Variants in PRUNE2 observed in about 807,000 individuals in gnomAD.
PRUNE2 encodes prune homolog 2 with BCH domain.
PRUNE2 carries 164 observed loss-of-function variants against 252.0 expected under a neutral mutation model. That is an observed-to-expected ratio of 0.65 (90% CI 0.57 to 0.74). The LOEUF (loss-of-function observed/expected upper bound fraction) is 0.74. PRUNE2 is among the 30% of genes least tolerant of loss of function. The pLI is 0.00. For synonymous variants in PRUNE2, 1,292 were observed against 1,350.2 expected (o/e 0.96, Z 0.94); for missense variants, 3,495 against 3,711.0 (o/e 0.94, Z 1.51).
chr9:76,721,231 G>A (rs2047622133), intron 6 of PRUNE2, among the ~76,000 whole-genome samples: 1 of 152,114 alleles, frequency 6.6e-6, no homozygotes. Context: ...AGCTTTTAAA[G>A]CATTAAAAAA....
intron 9 of PRUNE2, among the ~76,000 whole-genome samples, chr9:76,656,872 C>G (rs922357872): frequency 1.3e-5 from 2 of 152,146 alleles, no homozygotes; most frequent in Non-Finnish European, 2.9e-5. Flanking sequence ...CCTGTGTGTT[C>G]TCTAAAACTA....
chr9:76,827,459 A>C (rs1396952588), intron 4 of PRUNE2, among the ~76,000 whole-genome samples: 1 of 152,050 alleles, frequency 6.6e-6, no homozygotes, highest in Non-Finnish European at 1.5e-5. Flanking sequence ...ACGTACTCTT[A>C]CTCTTCCCTG....
intron 12 of PRUNE2, among the ~76,000 whole-genome samples, chr9:76,643,984 G>A (rs1018139886): frequency 3.3e-5 from 5 of 152,118 alleles, no homozygotes; most frequent in African/African-American, 9.7e-5. Flanking sequence ...GGCACCTCAG[G>A]CTCGGGAAAG....
chr9:76,663,964 G>C (rs1396704016), intron 9 of PRUNE2, among the ~76,000 whole-genome samples: 1 of 152,148 alleles, frequency 6.6e-6, no homozygotes. Context: ...ATCTCAAACT[G>C]AACATGTTCA....
rs573850903 is a variant in PRUNE2 at position 76,866,786 on chromosome 9, G to C, written c.37-12578C>G. 2.0e-5 allele frequency among the ~76,000 whole-genome samples: 3 copies of C among 152,170 alleles called. No homozygotes were observed. The East Asian group carries it at 5.8e-4, about 29-fold the overall frequency. ...GGGAAAGAAAAGAGAGCGAGAGAAAGAGCGAGAGAGAATGGAAGGAAGAGG... is the reference window on the plus strand; with the variant it reads ...GGGAAAGAAAAGAGAGCGAGAGAAACAGCGAGAGAGAATGGAAGGAAGAGG... On this transcript the variant is annotated intron_variant, in intron 1 of 18. Transcript: ENST00000376718.
chr9:76,833,890 T>TG (rs1444134005), intron 4 of PRUNE2, among the ~76,000 whole-genome samples: 1 of 150,614 alleles, frequency 6.6e-6, no homozygotes, highest in African/African-American at 2.4e-5. Flanking sequence ...TTTTTTGTTT[T>TG]TTTTTTTTTA....
At chr9:76,804,960 G>A (rs935469172) in intron 6 of PRUNE2, among the ~76,000 whole-genome samples, 10 of 152,094 alleles carry the variant, frequency 6.6e-5, no homozygotes, top group Non-Finnish European at 1.5e-4. Context: ...AGTGGCTCAC[G>A]CCTGTAATTC....
intron 12 of PRUNE2, chr9:76,642,001 T>TAAAAAAAAAAAAAAAGAAAAAAAAAAAAA: frequency 9.9e-7 from 1 of 1,010,460 alleles, no homozygotes; most frequent in South Asian, 1.7e-5. Context: ...ATAAGAGAAG[T>TAAAAAAAAAAAAAAAGAAAAAAAAAAAAA]AAAAAAAAAA....
chr9:76,649,946 T>TG (rs1564457472), intron 11 of PRUNE2, among the ~76,000 whole-genome samples: 1 of 136,936 alleles, frequency 7.3e-6, no homozygotes, highest in African/African-American at 3.2e-5. Flanking sequence ...TACTTTTTTT[T>TG]TTTTAGAGTC....
intron 3 of PRUNE2, 114 bp from the exon 4 acceptor site, chr9:76,846,792 A>G (rs1214776785): frequency 1.8e-5 from 14 of 765,480 alleles, no homozygotes; most frequent in Non-Finnish European, 2.8e-5. Flanking sequence ...GACCAAAAAT[A>G]TGAGGGAACT....
intron 6 of PRUNE2, chr9:76,737,966 C>T (rs2049225599): frequency 6.6e-6 from 1 of 152,178 alleles, no homozygotes; most frequent in Non-Finnish European, 1.5e-5. Context: ...CATACAGAGC[C>T]TAAGACTTCT....
chr9:76,814,913 A>C (rs1412774069), intron 6 of PRUNE2, among the ~76,000 whole-genome samples: 2 of 152,200 alleles, frequency 1.3e-5, no homozygotes, highest in Non-Finnish European at 1.5e-5. Context: ...CTAAAATGGC[A>C]TGCATCTCCT....
chr9:76,692,287 G>A, intron 9 of PRUNE2: 1 of 624,642 alleles, frequency 1.6e-6, no homozygotes. Context: ...CTGGGGCTGT[G>A]CTGAGTTTCA....
chr9:76,893,871 G>T (rs2062645212), intron 1 of PRUNE2, among the ~76,000 whole-genome samples: 1 of 152,290 alleles, frequency 6.6e-6, no homozygotes, highest in South Asian at 2.1e-4. Flanking sequence ...CCACGGTCCA[G>T]GGGTATCAGC....
chr9:76,628,057 T>C (rs916899727), intron 16 of PRUNE2, among the ~76,000 whole-genome samples: 1 of 152,176 alleles, frequency 6.6e-6, no homozygotes, highest in African/African-American at 2.4e-5. Context: ...GGAAGATGAA[T>C]GATACTTGCC....
intron 1 of PRUNE2, among the ~76,000 whole-genome samples, chr9:76,882,629 A>G (rs916545919): frequency 1.3e-5 from 2 of 152,088 alleles, no homozygotes; most frequent in African/African-American, 2.4e-5. Flanking sequence ...AGAGAGAGAG[A>G]GGGGAGGTGC....
chr9:76,849,057 T>C (rs770977930), intron 3 of PRUNE2, among the ~76,000 whole-genome samples: 2 of 152,136 alleles, frequency 1.3e-5, no homozygotes, highest in Non-Finnish European at 2.9e-5. Flanking sequence ...CACAGGTACA[T>C]ACCACTATGG....
At chr9:76,724,805 GGA>G (rs1215770633) in intron 6 of PRUNE2, among the ~76,000 whole-genome samples, 7 of 152,110 alleles carry the variant, frequency 4.6e-5, no homozygotes, top group African/African-American at 1.7e-4. Context: ...TCTATTGGAT[GGA>G]CTTAAGTGCT....
intron 9 of PRUNE2, among the ~76,000 whole-genome samples, chr9:76,661,806 A>G (rs959782627): frequency 1.3e-5 from 2 of 152,202 alleles, no homozygotes; most frequent in South Asian, 4.1e-4. Context: ...ATATAAGAAT[A>G]TGGCAGATCT....
Sources: allele counts gnomAD v4.1 joint callset (sites outside exome capture counted in the v4.1 genomes callset), GRCh38; gene constraint gnomAD v4.1.1; transcripts MANE v1.5; gene names NCBI Gene and HGNC (gene_info 2026-07-23, HGNC 2026-07-21).